The following IL16 variants were observed in gnomAD, a reference collection of about 807,000 sequenced individuals.
The protein encoded by IL16 is interleukin 16.
Under a neutral mutation model 110.1 loss-of-function variants are expected in IL16, and 67 were observed. That is an observed-to-expected ratio of 0.61 (90% CI 0.50 to 0.75). IL16 has a LOEUF of 0.75. Ranked by LOEUF, IL16 falls within the 30% of genes least tolerant of loss-of-function variation. The pLI is 0.00. For synonymous variants in IL16, 689 were observed against 662.9 expected (o/e 1.04, Z -0.61); for missense variants, 1,545 against 1,655.0 (o/e 0.93, Z 1.15).
Position 81,313,526 on chromosome 15 carries a change from C to A in IL16, c.*4728C>A. 2 of 927,288 alleles carry A rather than the reference C, an allele frequency of 2.2e-6. No individual in the cohort carries two copies. The highest frequency in any genetic ancestry group is 3.0e-6 in the Non-Finnish European group (2 of 663,498). 57.4% of individuals were successfully genotyped at this position (927,288 alleles called of 1,614,324 possible). On this transcript the variant is annotated 3_prime_UTR_variant, in exon 19 of 19. Coordinates refer to ENST00000683961, the MANE Select transcript of IL16 (RefSeq NM_172217.5). ...CATGATACAGTGATCGCGTCTCATC[C>A]CTTGCTGTGCCCTCCACCCAGGAGT...
chr15:81,199,841 T>C (rs6495547), intron 1 of IL16, among the ~76,000 whole-genome samples: 62,878 of 152,048 alleles, frequency 0.41, 16,914 homozygotes, highest in African/African-American at 0.73. Flanking sequence ...ATTTCAGAAC[T>C]CATCCCAGCT....
chr15:81,305,385 C>T (rs920023469), intron 16 of IL16, among the ~76,000 whole-genome samples: 3 of 152,046 alleles, frequency 2.0e-5, no homozygotes, highest in African/African-American at 4.8e-5. Context: ...TTTTCTTGGC[C>T]GGGTGTGGTG....
At chr15:81,277,272 G>T (rs1019142724) in intron 6 of IL16, among the ~76,000 whole-genome samples, 4 of 152,130 alleles carry the variant, frequency 2.6e-5, no homozygotes, top group Non-Finnish European at 5.9e-5. Context: ...ATTTTAGAAA[G>T]AATAGAGTGA....
At chr15:81,215,931 A>G (rs886743346) in intron 1 of IL16, among the ~76,000 whole-genome samples, 1 of 152,186 alleles carries the variant, frequency 6.6e-6, no homozygotes, top group African/African-American at 2.4e-5. Flanking sequence ...ATCACCAGGA[A>G]AGTACTCAGG....
chr15:81,259,833 T>C lies in IL16; in HGVS notation c.374T>C (p.Phe125Ser). 6.2e-7 allele frequency: 1 copy of C among 1,614,022 alleles called. No homozygotes were observed. The highest frequency in any genetic ancestry group is 8.5e-7 in the Non-Finnish European group (1 of 1,179,942). ...PGKLEAQSSN[F>S]LFPKACHQRA... ...AAACTAGAAGCACAAAGTAGTAACT[T>C]CCTGTTTCCTAAAGCCTGCCACCAA... Residue 125 changes from phenylalanine to serine, a missense_variant, in exon 3 of 19, where the codon TTC (phenylalanine) becomes TCC (serine). This residue lies in a region of IL16 where 1,185 missense variants were observed against 1,238.8 expected (regional missense o/e 0.96). Transcript: ENST00000683961.
intron 1 of IL16, among the ~76,000 whole-genome samples, chr15:81,209,080 T>G (rs531501422): frequency 6.6e-5 from 10 of 152,310 alleles, no homozygotes; most frequent in Admixed American, 1.3e-4. Flanking sequence ...TCTGAGGAAT[T>G]GAGCACTCAA....
In IL16 at chr15:81,201,285, G is replaced by T. The variant is rs1054918094; in HGVS notation, c.-102+4133G>T. 3.3e-5 allele frequency among the ~76,000 whole-genome samples: 5 copies of T among 151,586 alleles called. No individual in the cohort carries two copies. In the South Asian group the frequency reaches 1.0e-3, roughly 32 times the overall value. On this transcript the variant is annotated intron_variant, in intron 1 of 18. Coordinates refer to ENST00000683961, the MANE Select transcript of IL16 (RefSeq NM_172217.5). ...CACACATACACCCACACACATGCAC[G>T]CACACACCCCCATCCACACACACAC...
Position 81,259,779 on chromosome 15 carries a change from C to G in IL16, c.320C>G (p.Ser107Cys), listed in dbSNP as rs773867433. Residue 107 changes from serine to cysteine, a missense_variant, in exon 3 of 19, where the codon TCC becomes TGC. This residue lies in a region of IL16 where 1,185 missense variants were observed against 1,238.8 expected (regional missense o/e 0.96). Transcript: ENST00000683961. Reference protein sequence around the residue: ...CRRIFFMKESSTASSREKPGK... With the variant: ...CRRIFFMKESCTASSREKPGK... The stretch of plus-strand genomic sequence containing the variant: ...ACGGCAATTGTTTTGCAGGAATCTT[C>G]CACAGCTTCCTCTCGAGAAAAGCCT... 1.2e-6 allele frequency: 2 copies of G among 1,609,736 alleles called. No individual in the cohort carries two copies. Among genetic ancestry groups the G allele is most frequent in the Non-Finnish European group, 1.7e-6 (2 of 1,176,130 alleles).
intron 1 of IL16, among the ~76,000 whole-genome samples, chr15:81,205,214 G>A (rs947062456): frequency 6.6e-6 from 1 of 151,670 alleles, no homozygotes; most frequent in African/African-American, 2.4e-5. Context: ...GCTAAGGCAG[G>A]AGAATGGCTT....
rs1901005833 is a variant in IL16, at chr15:81,313,966, A to G, written c.*5168A>G. 6.6e-6 allele frequency: 1 copy of G among 152,200 alleles called. No individual in the cohort carries two copies. Among genetic ancestry groups the G allele is most frequent in the Non-Finnish European group, 1.5e-5 (1 of 68,034 alleles). The allele number at this position is 152,200 out of a possible 1,614,324, so 9.4% of individuals were successfully genotyped here. A position where few individuals can be genotyped will look rare whatever the true frequency, so the allele number is the denominator to read the frequency against. ...TTCTGTTAAGCCTGGCATGAAAGAG[A>G]TGGGCAAAAATATAAAAACAATGCC... On this transcript the variant is annotated 3_prime_UTR_variant, in exon 19 of 19. Coordinates refer to ENST00000683961, the MANE Select transcript of IL16 (RefSeq NM_172217.5).
rs1567046877 is a variant in IL16 at position 81,303,014 on chromosome 15, A to AGTGTGTGTGTGTGTGTGTGTGTGT, written c.3319-535_3319-534insGTGTGTGTGTGTGTGTGTGTGTGT. 1.4e-5 allele frequency among the ~76,000 whole-genome samples: 1 copy of AGTGTGTGTGTGTGTGTGTGTGTGT among 70,298 alleles called. No individual in the cohort carries two copies. The highest frequency in any genetic ancestry group is 5.1e-5 in the African/African-American group (1 of 19,730). 46.1% of individuals were successfully genotyped at this position (70,298 alleles called of 152,430 possible). On this transcript the variant is annotated intron_variant, in intron 15 of 18. Coordinates refer to ENST00000683961, the MANE Select transcript of IL16 (RefSeq NM_172217.5). The surrounding 1 kb of genome is among the most constrained non-coding windows in gnomAD (Gnocchi z 4.1). Reference sequence around the variant, plus strand: ...CGTCTAGGCTAGGAAGTACCGTAGTAATGTGTGTGTGTGTGTGTGTGTGTG... The same window carrying AGTGTGTGTGTGTGTGTGTGTGTGT: ...CGTCTAGGCTAGGAAGTACCGTAGTAGTGTGTGTGTGTGTGTGTGTGTGTATGTGTGTGTGTGTGTGTGTGTGTG...
chr15:81,256,916 AG>A (rs566185011), intron 2 of IL16, among the ~76,000 whole-genome samples: 3 of 152,190 alleles, frequency 2.0e-5, no homozygotes, highest in Non-Finnish European at 4.4e-5. Context: ...TCAGTGCCAG[AG>A]GGAGGTCTTG....
intron 7 of IL16, 50 bp from the exon 8 acceptor site, chr15:81,279,508 T>A (rs59298568): frequency 0.038 from 51,425 of 1,357,428 alleles, 1,453 homozygotes; most frequent in East Asian, 0.16. Flanking sequence ...TATTTCTTCA[T>A]CTCACCCTGG....
intron 14 of IL16, 102 bp from the exon 15 acceptor site, chr15:81,301,242 A>G (rs1190232639): frequency 2.0e-6 from 2 of 980,098 alleles, no homozygotes; most frequent in Non-Finnish European, 1.5e-6. Flanking sequence ...TAATATGCAC[A>G]TAAGTGCTTG....
At chr15:81,202,350 T>C (rs897843658) in intron 1 of IL16, among the ~76,000 whole-genome samples, 6 of 152,152 alleles carry the variant, frequency 3.9e-5, no homozygotes, top group African/African-American at 1.2e-4. Context: ...GGGGTCTGTA[T>C]TGGTTTGTGG....
At chr15:81,297,100 C>T (rs1900024623) in intron 13 of IL16, 22 bp downstream of exon 13, 1 of 1,597,902 alleles carries the variant, frequency 6.3e-7, no homozygotes, top group Non-Finnish European at 8.5e-7. Flanking sequence ...TTGAGATCTT[C>T]CAAAAGGAAG....
intron 2 of IL16, among the ~76,000 whole-genome samples, chr15:81,226,996 A>G (rs569293463): frequency 7.8e-4 from 119 of 152,328 alleles, no homozygotes; most frequent in African/African-American, 2.9e-3. Context: ...GTATTTCCTG[A>G]GCACCTATTA....
chr15:81,204,696 C>T (rs917693339), intron 1 of IL16, among the ~76,000 whole-genome samples: 19 of 151,318 alleles, frequency 1.3e-4, no homozygotes, highest in Non-Finnish European at 2.4e-4. Context: ...ATGTAACAAA[C>T]CTGCACGTTG....
At chr15:81,237,086 C>T (rs559683755) in intron 2 of IL16, among the ~76,000 whole-genome samples, 20 of 152,340 alleles carry the variant, frequency 1.3e-4, no homozygotes, top group Middle Eastern at 3.4e-3. Flanking sequence ...ATATAACCCA[C>T]TGGTTACTGC....
Sources: gnomAD v4.1 joint callset for allele counts (sites outside exome capture counted in the v4.1 genomes callset) on GRCh38, gnomAD v4.1.1 for gene constraint, gnomAD v4.1.1 regional missense constraint, Gnocchi (gnomAD v3.1) non-coding constraint, MANE v1.5 for transcripts, NCBI Gene and HGNC (gene_info 2026-07-23, HGNC 2026-07-21) for gene names.